CNTLN: variants seen among roughly 807,000 people sequenced by gnomAD.
The protein encoded by CNTLN is centlein, centrosomal protein.
Under a neutral mutation model 180.0 loss-of-function variants are expected in CNTLN, and 212 were observed. The ratio of observed to expected loss-of-function variants is 1.18; its 90% CI spans 1.05 to 1.32. CNTLN has a LOEUF of 1.32. Ranked by LOEUF, CNTLN falls within the 40% of genes most tolerant of loss-of-function variation. The probability of loss-of-function intolerance (pLI) is 0.00; values close to 1 mark genes in which losing one functional copy is unlikely to be tolerated. For synonymous variants in CNTLN, 722 were observed against 563.1 expected, an observed-to-expected ratio of 1.28 and a Z score of -3.99; for missense variants, 2,095 against 1,610.9, an observed-to-expected ratio of 1.30 and a Z score of -5.14.
chr9:17,237,692 CT>C (rs1825242188), intron 5 of CNTLN, among the ~76,000 whole-genome samples: 2 of 152,008 alleles, frequency 1.3e-5, no homozygotes, highest in East Asian at 3.9e-4. Flanking sequence ...TTGGAGACCC[CT>C]GGCTGGGTTC....
chr9:17,367,587 T>C (rs1048436037), intron 13 of CNTLN, among the ~76,000 whole-genome samples: 2 of 152,048 alleles, frequency 1.3e-5, no homozygotes, highest in Non-Finnish European at 2.9e-5. Context: ...AAGGAACCCC[T>C]TCCATCTGCT....
chr9:17,211,385 T>C (rs1016915727), intron 2 of CNTLN, among the ~76,000 whole-genome samples: 3 of 152,180 alleles, frequency 2.0e-5, no homozygotes, highest in East Asian at 1.9e-4. Flanking sequence ...GTATTATTTC[T>C]GAGGGCTCTG....
At chr9:17,330,552 T>A in intron 8 of CNTLN, 80 bp from the exon 9 acceptor site, 3 of 758,256 alleles carry the variant, frequency 4.0e-6, no homozygotes, top group Non-Finnish European at 6.0e-6. Context: ...TATAATATAG[T>A]GTTACATTTA....
intron 5 of CNTLN, among the ~76,000 whole-genome samples, chr9:17,268,514 C>G (rs1013376160): frequency 6.6e-6 from 1 of 152,172 alleles, no homozygotes; most frequent in East Asian, 1.9e-4. Flanking sequence ...GGCAGTCTGC[C>G]CGTTCTCAGA....
chr9:17,517,192 C>T, the CNTLN span, among the ~76,000 whole-genome samples: 2 of 151,862 alleles, frequency 1.3e-5, no homozygotes, highest in South Asian at 4.2e-4. Flanking sequence ...AGATGGAGAC[C>T]ATCCTGGCTA....
chr9:17,154,035 A>T (rs767484830), intron 2 of CNTLN, among the ~76,000 whole-genome samples: 1 of 152,000 alleles, frequency 6.6e-6, no homozygotes, highest in Non-Finnish European at 1.5e-5. Flanking sequence ...TACATTGGTT[A>T]TTCTAGTTAG....
At chr9:17,293,930 G>A (rs760011048) in intron 6 of CNTLN, among the ~76,000 whole-genome samples, 16 of 152,162 alleles carry the variant, frequency 1.1e-4, no homozygotes, top group Non-Finnish European at 2.1e-4. Flanking sequence ...GGTTTCCCAG[G>A]CAGGGTAGTA....
At chr9:17,164,457 G>GTTTTTTTTTTTTT (rs772109564) in intron 2 of CNTLN, among the ~76,000 whole-genome samples, 5 of 68,458 alleles carry the variant, frequency 7.3e-5, no homozygotes, top group East Asian at 5.5e-4. Context: ...TTATTTTTAT[G>GTTTTTTTTTTTTT]TTTTTTTTTT....
the CNTLN span, among the ~76,000 whole-genome samples, chr9:17,509,977 A>G: frequency 2.8e-4 from 42 of 152,278 alleles, no homozygotes; most frequent in African/African-American, 8.4e-4. Flanking sequence ...GGGGTGAGTG[A>G]TCCTGACTAC....
chr9:17,390,325 G>A (rs971221340), intron 14 of CNTLN, among the ~76,000 whole-genome samples: 8 of 125,930 alleles, frequency 6.4e-5, no homozygotes, highest in South Asian at 2.8e-4. Context: ...TGCAACCTCC[G>A]CCTCCCAGGT....
chr9:17,442,420 A>G (rs557686765), intron 18 of CNTLN, among the ~76,000 whole-genome samples: 3 of 152,294 alleles, frequency 2.0e-5, no homozygotes, highest in African/African-American at 4.8e-5. Flanking sequence ...TGTTTTTGAG[A>G]TGGAGTCTCG....
chr9:17,271,558 T>C (rs1159908784), intron 5 of CNTLN, among the ~76,000 whole-genome samples: 4 of 152,176 alleles, frequency 2.6e-5, no homozygotes, highest in Non-Finnish European at 5.9e-5. Flanking sequence ...TTAAAATACA[T>C]ATATTATATC....
chr9:17,257,379 T>C (rs1032973258), intron 5 of CNTLN, among the ~76,000 whole-genome samples: 2 of 152,134 alleles, frequency 1.3e-5, no homozygotes, highest in Non-Finnish European at 2.9e-5. Flanking sequence ...TCTATCATTG[T>C]TGGACATTTG....
intron 2 of CNTLN, among the ~76,000 whole-genome samples, chr9:17,208,450 G>T (rs1478866896): frequency 6.6e-6 from 1 of 152,102 alleles, no homozygotes; most frequent in African/African-American, 2.4e-5. Flanking sequence ...ATGTGTCTTT[G>T]TCTGGTTTTG....
In CNTLN at chr9:17,462,943, T is replaced by A; in HGVS notation, c.3334T>A (p.Ser1112Thr). Residue 1112 changes from serine (S) to threonine (T), a missense_variant, in exon 20 of 26, where the codon TCA becomes ACA. Physicochemically the swap from Ser to Thr is moderately conservative, Grantham distance 58. Transcript: ENST00000380647. The stretch of plus-strand genomic sequence containing the variant: ...TGCTACTAATGAACTCACTAAACAG[T>A]CATCAAATGTGAAGACTTTGAAATT... ...KNATNELTKQ[S>T]SNVKTLKFEL... is the part of the protein sequence containing the mutation. The A allele has an allele frequency of 6.3e-7, 1 of 1,577,360 alleles. No homozygotes were observed. Among genetic ancestry groups the A allele is most frequent in the Non-Finnish European group, 8.6e-7 (1 of 1,164,782 alleles).
the CNTLN span, among the ~76,000 whole-genome samples, chr9:17,512,973 T>G: frequency 6.6e-6 from 1 of 152,068 alleles, no homozygotes. Context: ...CCCACCACTA[T>G]GCCCAGCTAA....
intron 18 of CNTLN, among the ~76,000 whole-genome samples, chr9:17,451,318 TAAG>T (rs1830764441): frequency 6.6e-6 from 1 of 152,192 alleles, no homozygotes; most frequent in African/African-American, 2.4e-5. Flanking sequence ...AACACAATAA[TAAG>T]ATTTTAAAAT....
chr9:17,465,993 A>T lies in CNTLN; in HGVS notation c.3544A>T (p.Thr1182Ser), dbSNP rs1444536202. 2 of 1,602,860 alleles carry T rather than the reference A, an allele frequency of 1.2e-6. No individual in the cohort carries two copies. The highest frequency in any genetic ancestry group is 1.7e-6 in the Non-Finnish European group (2 of 1,172,944). The stretch of plus-strand genomic sequence containing the variant: ...GCTTTTAATGTAGGTAAAGACATTA[A>T]CTGAAGAATGTTCCAACAAGAAGGT... ...QNLDKKVKTLTEECSNKKVSI... is the reference protein window; with the variant it reads ...QNLDKKVKTLSEECSNKKVSI... The change falls in exon 22 of 26, where the codon ACT becomes TCT. Residue 1182 changes from threonine to serine, a missense_variant. By Grantham distance (58) the Thr-to-Ser change is moderately conservative. Coordinates refer to ENST00000380647, the MANE Select transcript of CNTLN (RefSeq NM_017738.4).
At chr9:17,314,248 G>A (rs1190630407) in intron 8 of CNTLN, among the ~76,000 whole-genome samples, 1 of 151,838 alleles carries the variant, frequency 6.6e-6, no homozygotes, top group Non-Finnish European at 1.5e-5. Context: ...GTCTTCTTTG[G>A]TTTGATCACT....
Sources: gnomAD v4.1 joint callset for allele counts (sites outside exome capture counted in the v4.1 genomes callset) on GRCh38, gnomAD v4.1.1 for gene constraint, MANE v1.5 for transcripts, NCBI Gene and HGNC (gene_info 2026-07-23, HGNC 2026-07-21) for gene names.